Variants in NCKAP5 observed in about 807,000 individuals in gnomAD.
NCKAP5 encodes NCK associated protein 5, also known as nck-associated protein 5.
Under a neutral mutation model 167.0 loss-of-function variants are expected in NCKAP5, and 92 were observed. The observed-to-expected ratio is 0.55, with a 90% CI of 0.47 to 0.66. The LOEUF (loss-of-function observed/expected upper bound fraction) is 0.66. Ranked by LOEUF, NCKAP5 falls within the 30% of genes least tolerant of loss-of-function variation. NCKAP5 has a pLI of 0.00. For missense variants in NCKAP5, 2,378 were observed against 2,315.0 expected (o/e 1.03, Z -0.56); for synonymous variants, 891 against 877.4 (o/e 1.02, Z -0.27).
chr2:133,393,184 A>G (rs577021524), intron 3 of NCKAP5, among the ~76,000 whole-genome samples: 34 of 152,330 alleles, frequency 2.2e-4, no homozygotes, highest in African/African-American at 8.2e-4. Flanking sequence ...ATAATCCATT[A>G]TGCTTATTTT....
intron 11 of NCKAP5, among the ~76,000 whole-genome samples, chr2:132,827,210 T>C (rs560760814): frequency 1.3e-5 from 2 of 152,308 alleles, no homozygotes; most frequent in Admixed American, 6.5e-5. Flanking sequence ...ATGTGATATA[T>C]ATTTTTTTAA....
In NCKAP5 at chr2:133,464,045, G is replaced by T. The variant is rs540272463; in HGVS notation, c.69+53413C>A. On this transcript the variant is annotated intron_variant, in intron 3 of 19. Coordinates refer to ENST00000409261, the MANE Select transcript of NCKAP5 (RefSeq NM_207363.3). ...TCATCATGTGGAGTGACTGCAAACA[G>T]CACGGGGGAGCCTGCATGCCCCAAC... Among the ~76,000 whole-genome samples, 5 of 152,286 alleles carry T rather than the reference G, an allele frequency of 3.3e-5. No homozygotes were observed. The South Asian group carries it at 1.0e-3, about 32-fold the overall frequency.
intron 3 of NCKAP5, among the ~76,000 whole-genome samples, chr2:133,382,161 C>A (rs1199107740): frequency 1.3e-5 from 2 of 152,220 alleles, no homozygotes; most frequent in African/African-American, 4.8e-5. Flanking sequence ...TTGTCTCCCG[C>A]CTCTTCCTCA....
chr2:133,581,202 A>C, the NCKAP5 span, among the ~76,000 whole-genome samples: 1 of 152,200 alleles, frequency 6.6e-6, no homozygotes, highest in African/African-American at 2.4e-5. Flanking sequence ...AAATCTTAAA[A>C]GTAAACTTGG....
intron 6 of NCKAP5, among the ~76,000 whole-genome samples, chr2:133,083,425 T>A (rs973755436): frequency 6.6e-6 from 1 of 152,124 alleles, no homozygotes; most frequent in African/African-American, 2.4e-5. Flanking sequence ...GAGAATGGTA[T>A]CAGTAAAACC....
chr2:133,461,720 G>A (rs1272905974), intron 3 of NCKAP5, among the ~76,000 whole-genome samples: 1 of 152,196 alleles, frequency 6.6e-6, no homozygotes. Flanking sequence ...TGATGACACA[G>A]CCTCACCTGA....
At chr2:132,677,760 G>A (rs1684681908) in intron 19 of NCKAP5, among the ~76,000 whole-genome samples, 2 of 152,026 alleles carry the variant, frequency 1.3e-5, no homozygotes, top group Non-Finnish European at 1.5e-5. Flanking sequence ...AGAGGTTCTA[G>A]GAAACTCAAC....
At chr2:133,205,444 G>A (rs2150138861) in intron 5 of NCKAP5, among the ~76,000 whole-genome samples, 1 of 152,210 alleles carries the variant, frequency 6.6e-6, no homozygotes, top group African/African-American at 2.4e-5. Context: ...ATATATGTGT[G>A]GGTCTACTTC....
chr2:133,581,309 A>C, the NCKAP5 span, among the ~76,000 whole-genome samples: 1 of 152,160 alleles, frequency 6.6e-6, no homozygotes, highest in African/African-American at 2.4e-5. Context: ...CTTATTGGAC[A>C]CCTGTGCCTC....
intron 3 of NCKAP5, among the ~76,000 whole-genome samples, chr2:133,425,388 G>A (rs1239660085): frequency 2.0e-5 from 3 of 152,152 alleles, no homozygotes; most frequent in African/African-American, 4.8e-5. Context: ...CAGTATGTAC[G>A]TGAAACATCC....
Position 132,979,291 on chromosome 2 carries a change from T to C in NCKAP5, c.429+14861A>G, listed in dbSNP as rs534405028. ...TGTCCTCCCACTAATGCAGATGAAA[T>C]GATTTTCTATTTCTAGGAAGGTTTT... is the stretch of plus-strand genomic sequence containing the variant. On this transcript the variant is annotated intron_variant, in intron 7 of 19. Coordinates refer to ENST00000409261, the MANE Select transcript of NCKAP5 (RefSeq NM_207363.3). Among the ~76,000 whole-genome samples the C allele has an allele frequency of 6.6e-5, 10 of 152,218 alleles. No individual in the cohort carries two copies. The South Asian group carries it at 2.1e-3, about 32-fold the overall frequency.
chr2:133,557,786 C>T (rs1013973043), intron 2 of NCKAP5, among the ~76,000 whole-genome samples: 6 of 152,208 alleles, frequency 3.9e-5, no homozygotes, highest in African/African-American at 7.2e-5. Flanking sequence ...CGAATCACCT[C>T]GGCACTTTGG....
chr2:133,313,403 T>G (rs1681384052), intron 3 of NCKAP5, among the ~76,000 whole-genome samples: 1 of 152,092 alleles, frequency 6.6e-6, no homozygotes. Context: ...ATGAAATAAA[T>G]CTACACAAAA....
At chr2:133,180,554 G>A (rs1404817880) in intron 5 of NCKAP5, among the ~76,000 whole-genome samples, 1 of 151,996 alleles carries the variant, frequency 6.6e-6, no homozygotes, top group Non-Finnish European at 1.5e-5. Context: ...ACCCAGGCTG[G>A]TCTTGAACTC....
At chr2:133,542,155 AG>A (rs1454279378) in intron 2 of NCKAP5, among the ~76,000 whole-genome samples, 1 of 152,194 alleles carries the variant, frequency 6.6e-6, no homozygotes, top group African/African-American at 2.4e-5. Context: ...CCCTAAACAT[AG>A]AAAAGCTGTT....
chr2:132,860,691 T>C, intron 10 of NCKAP5, 80 bp from the exon 11 acceptor site: 1 of 1,444,116 alleles, frequency 6.9e-7, no homozygotes, highest in Non-Finnish European at 9.2e-7. Flanking sequence ...TTTATATATC[T>C]CAGATCATTA....
the NCKAP5 span, among the ~76,000 whole-genome samples, chr2:133,600,390 G>A: frequency 6.6e-6 from 1 of 152,050 alleles, no homozygotes; most frequent in Non-Finnish European, 1.5e-5. Flanking sequence ...TTGGCCTCTA[G>A]GGAAAAAAAA....
chr2:133,217,236 A>G (rs2086467032), intron 4 of NCKAP5, among the ~76,000 whole-genome samples: 1 of 152,132 alleles, frequency 6.6e-6, no homozygotes, highest in African/African-American at 2.4e-5. Context: ...TTTGTAATGA[A>G]GTATAAAGTA....
At position 132,673,060 on chromosome 2, in the gene NCKAP5, G is replaced by A. The variant is rs1683941389; in HGVS notation, c.*229C>T. 1 of 1,120,586 alleles carries A rather than the reference G, an allele frequency of 8.9e-7. No homozygotes were observed. The highest frequency in any genetic ancestry group is 1.1e-6 in the Non-Finnish European group (1 of 920,398). 69.4% of individuals were successfully genotyped at this position (1,120,586 alleles called of 1,614,324 possible). A position where few individuals can be genotyped will look rare whatever the true frequency, so the allele number is the denominator to read the frequency against. Reference sequence around the variant, plus strand: ...TTGAACCTTGACTGGCACAGGAAGAGAAGCTATCATATAAAGAATCACTCA... The same window carrying A: ...TTGAACCTTGACTGGCACAGGAAGAAAAGCTATCATATAAAGAATCACTCA... On this transcript the variant is annotated 3_prime_UTR_variant, in exon 20 of 20. Transcript: ENST00000409261.
Sources: gnomAD v4.1 joint callset for allele counts (sites outside exome capture counted in the v4.1 genomes callset) on GRCh38, gnomAD v4.1.1 for gene constraint, MANE v1.5 for transcripts, NCBI Gene and HGNC (gene_info 2026-07-23, HGNC 2026-07-21) for gene names.